AFF1: variants seen among roughly 807,000 people sequenced by gnomAD.
The protein encoded by AFF1 is AF4/FMR2 family member 1.
In AFF1, 48 loss-of-function variants were observed where a neutral mutation model predicts 121.7. That is an observed-to-expected ratio of 0.39 (90% confidence interval 0.31 to 0.50). The LOEUF is 0.50. Among genes scored for constraint, AFF1 ranks in the 20% least tolerant of loss-of-function variants. The pLI is 0.76. For synonymous variants in AFF1, 613 were observed against 563.0 expected (o/e 1.09, Z -1.26); for missense variants, 1,523 against 1,511.7 (o/e 1.01, Z -0.12).
At chr4:87,088,313 C>T (rs1326654475) in intron 5 of AFF1, among the ~76,000 whole-genome samples, 1 of 152,198 alleles carries the variant, frequency 6.6e-6, no homozygotes, top group Non-Finnish European at 1.5e-5. Context: ...AGAAAGCCGG[C>T]ATCACTTACA....
intron 2 of AFF1, among the ~76,000 whole-genome samples, chr4:86,980,980 CAATG>C (rs1723706863): frequency 7.6e-6 from 1 of 131,104 alleles, no homozygotes; most frequent in African/African-American, 2.9e-5. Context: ...AGGAAAGTAA[CAATG>C]AACAAATGAA....
At chr4:87,027,767 G>A (rs1281341336) in intron 2 of AFF1, among the ~76,000 whole-genome samples, 3 of 127,746 alleles carry the variant, frequency 2.3e-5, no homozygotes, top group Non-Finnish European at 3.4e-5. Flanking sequence ...GAAACTTTTT[G>A]TTGTTGTTGC....
At chr4:87,006,837 T>TA (rs1726171618) in intron 2 of AFF1, among the ~76,000 whole-genome samples, 1 of 152,190 alleles carries the variant, frequency 6.6e-6, no homozygotes, top group Non-Finnish European at 1.5e-5. Flanking sequence ...GCCCAGGCTC[T>TA]GCCCCCTACC....
At chr4:86,968,850 G>T (rs988260175) in intron 2 of AFF1, among the ~76,000 whole-genome samples, 3 of 152,182 alleles carry the variant, frequency 2.0e-5, no homozygotes, top group East Asian at 1.9e-4. Flanking sequence ...CAGCCCATGT[G>T]GGGGGTTGGT....
intron 4 of AFF1, among the ~76,000 whole-genome samples, chr4:87,064,930 T>G (rs1015844215): frequency 6.7e-6 from 1 of 150,318 alleles, no homozygotes; most frequent in African/African-American, 2.4e-5. Flanking sequence ...TCCCAGCTGC[T>G]CAGGAGGCTG....
chr4:87,125,018 G>A lies in AFF1; in HGVS notation c.2467-19G>A. ...AATTATGTTGGTAATAATTTGCTTT[G>A]CTGATTATACTGTAATAGGGTGAAG... On this transcript the variant is annotated intron_variant, in intron 12 of 20. Coordinates refer to ENST00000395146, the MANE Select transcript of AFF1 (RefSeq NM_001166693.3). 2 of 1,549,024 alleles carry A rather than the reference G, an allele frequency of 1.3e-6. No individual in the cohort carries two copies. Among genetic ancestry groups the A allele is most frequent in the East Asian group, 2.3e-5 (1 of 44,020 alleles).
At chr4:87,019,769 TC>T (rs1727697949) in intron 2 of AFF1, among the ~76,000 whole-genome samples, 1 of 152,150 alleles carries the variant, frequency 6.6e-6, no homozygotes. Flanking sequence ...AGTAGGTGTT[TC>T]CTTGAGTTCT....
intron 2 of AFF1, among the ~76,000 whole-genome samples, chr4:86,970,893 A>G (rs1010489072): frequency 5.3e-5 from 8 of 152,192 alleles, no homozygotes; most frequent in African/African-American, 1.9e-4. Context: ...AGGCTGGAGC[A>G]GAATGTTGAG....
chr4:86,959,984 G>C (rs1005188860), intron 2 of AFF1, among the ~76,000 whole-genome samples: 2 of 152,290 alleles, frequency 1.3e-5, no homozygotes, highest in South Asian at 2.1e-4. Context: ...TGCTGTTGGA[G>C]TAGTTGAAAT....
chr4:86,939,453 G>A (rs1254855595), intron 1 of AFF1, among the ~76,000 whole-genome samples: 2 of 152,146 alleles, frequency 1.3e-5, no homozygotes, highest in Non-Finnish European at 2.9e-5. Flanking sequence ...ATAAAAACAA[G>A]TATTTTCATT....
chr4:86,983,925 T>C (rs1184787064), intron 2 of AFF1, among the ~76,000 whole-genome samples: 1 of 150,364 alleles, frequency 6.7e-6, no homozygotes, highest in South Asian at 2.1e-4. Flanking sequence ...TAGTCCCAGC[T>C]ACTCGGGAGG....
chr4:87,058,086 T>G (rs1376086749), intron 4 of AFF1, among the ~76,000 whole-genome samples: 2 of 152,200 alleles, frequency 1.3e-5, no homozygotes, highest in Non-Finnish European at 2.9e-5. Flanking sequence ...TCTCTCTTGA[T>G]TATCACAGTA....
At chr4:87,064,803 C>G (rs1323501683) in intron 4 of AFF1, among the ~76,000 whole-genome samples, 3 of 149,230 alleles carry the variant, frequency 2.0e-5, no homozygotes, top group African/African-American at 7.4e-5. Context: ...ACCCAGGAAG[C>G]GGAGGTTGCA....
At chr4:87,116,038 T>G (rs1727086976) in intron 12 of AFF1, among the ~76,000 whole-genome samples, 1 of 152,190 alleles carries the variant, frequency 6.6e-6, no homozygotes, top group Non-Finnish European at 1.5e-5. Context: ...AAAGAACGGC[T>G]CTATACAAAT....
At chr4:87,066,098 C>T (rs1461856920) in intron 4 of AFF1, among the ~76,000 whole-genome samples, 2 of 152,166 alleles carry the variant, frequency 1.3e-5, no homozygotes, top group Non-Finnish European at 2.9e-5. Context: ...GGTTTCACTG[C>T]ATGATAATAC....
chr4:87,112,665 G>A (rs1240202980), intron 11 of AFF1, among the ~76,000 whole-genome samples: 1 of 152,106 alleles, frequency 6.6e-6, no homozygotes, highest in Non-Finnish European at 1.5e-5. Context: ...TGTTCCACTC[G>A]GGAAAATTGT....
intron 19 of AFF1, 44 bp from the exon 20 acceptor site, chr4:87,134,427 C>T (rs1289899328): frequency 1.3e-6 from 2 of 1,506,510 alleles, no homozygotes; most frequent in Admixed American, 1.9e-5. Context: ...CAGGGGTCTA[C>T]TGGTGACTGA....
In AFF1 at chr4:87,082,584, G is replaced by A. The variant is rs552953040; in HGVS notation, c.1060-1536G>A. On this transcript the variant is annotated intron_variant, in intron 4 of 20. Coordinates refer to ENST00000395146, the MANE Select transcript of AFF1 (RefSeq NM_001166693.3). ...TTTGTCTGTTTTGAAACTGGGTTAC[G>A]AGACTGGCTAATTTTTGTATTTTTG... 4.0e-5 allele frequency among the ~76,000 whole-genome samples: 6 copies of A among 151,826 alleles called. No homozygotes were observed. In the East Asian group the frequency reaches 7.7e-4, roughly 20 times the overall value.
chr4:87,064,815 TA>T (rs1415001593), intron 4 of AFF1, among the ~76,000 whole-genome samples: 1 of 145,090 alleles, frequency 6.9e-6, no homozygotes, highest in Non-Finnish European at 1.5e-5. Context: ...GAGGTTGCAG[TA>T]AAGTCGAGAT....
Sources: allele counts gnomAD v4.1 joint callset (sites outside exome capture counted in the v4.1 genomes callset), GRCh38; gene constraint gnomAD v4.1.1; transcripts MANE v1.5; gene names NCBI Gene and HGNC (gene_info 2026-07-23, HGNC 2026-07-21).